RAPGEF4: variants seen among roughly 807,000 people sequenced by gnomAD.
The protein encoded by RAPGEF4 is Rap guanine nucleotide exchange factor 4.
RAPGEF4 carries 66 observed loss-of-function variants against 147.9 expected under a neutral mutation model. The observed-to-expected ratio is 0.45, with a 90% CI of 0.37 to 0.55. The LOEUF is 0.55. RAPGEF4 is among the 20% of genes least tolerant of loss of function. RAPGEF4 has a pLI of 0.00. For synonymous variants in RAPGEF4, 419 were observed against 442.7 expected, an observed-to-expected ratio of 0.95 and a Z score of 0.67; for missense variants, 1,071 against 1,257.3, an observed-to-expected ratio of 0.85 and a Z score of 2.24.
intron 4 of RAPGEF4, among the ~76,000 whole-genome samples, chr2:172,864,865 A>G (rs1368476731): frequency 6.6e-6 from 1 of 152,248 alleles, no homozygotes; most frequent in African/African-American, 2.4e-5. Flanking sequence ...AGATCATGCC[A>G]CTGTACTCTA....
In RAPGEF4 at chr2:173,023,070, G is replaced by T. The variant is rs183754958; in HGVS notation, c.2253+2355G>T. ...GCAAACAGTGTAGTGAGGCACCCCC[G>T]CATGTGACCAGTGAGAATGCAGTGC... is the stretch of plus-strand genomic sequence containing the variant. On this transcript the variant is annotated intron_variant, in intron 23 of 30. Coordinates refer to ENST00000397081, the MANE Select transcript of RAPGEF4 (RefSeq NM_007023.4). Among the ~76,000 whole-genome samples, 32 of 152,266 alleles carry T rather than the reference G, an allele frequency of 2.1e-4. No homozygotes were observed. The East Asian group carries it at 6.0e-3, about 29-fold the overall frequency.
rs750741015 is a variant in RAPGEF4, at chr2:173,017,489, C to T, written c.1993C>T (p.Arg665Cys). ...DERAQKRQPI[R>C]GSDEVLFKVY... Reference sequence around the variant, plus strand: ...GAGAGCCCAGAAGCGCCAGCCTATCCGCGGCTCTGATGAAGGTGAGAACCC... The same window carrying T: ...GAGAGCCCAGAAGCGCCAGCCTATCTGCGGCTCTGATGAAGGTGAGAACCC... The change falls in exon 21 of 31, where the codon CGC becomes TGC. Residue 665 changes from arginine (R) to cysteine (C), a missense_variant. By Grantham distance (180) the Arg-to-Cys change is radical. Coordinates refer to ENST00000397081, the MANE Select transcript of RAPGEF4 (RefSeq NM_007023.4). The T allele has an allele frequency of 3.0e-5, 49 of 1,613,732 alleles. 1 individual carries two copies. Among genetic ancestry groups the T allele is most frequent in the Middle Eastern group, 3.3e-4 (2 of 6,070 alleles).
At chr2:172,861,116 G>A (rs551748019) in intron 4 of RAPGEF4, among the ~76,000 whole-genome samples, 26 of 152,208 alleles carry the variant, frequency 1.7e-4, no homozygotes, top group Admixed American at 6.5e-4. Flanking sequence ...TACATTTCCC[G>A]TTAGAACAGG....
At position 173,043,780 on chromosome 2, in the gene RAPGEF4, G is replaced by GAA. The variant is rs112444811; in HGVS notation, c.2854-4819_2854-4818insAA. Among the ~76,000 whole-genome samples, 497 of 152,328 alleles carry GAA rather than the reference G, an allele frequency of 3.3e-3. 3 individuals are homozygous for GAA. Among genetic ancestry groups the GAA allele is most frequent in the Middle Eastern group, 0.02 (6 of 294 alleles). Reference sequence around the variant, plus strand: ...ACAAGGTACCTCTGACACCTCAGCGGACTCAAGGGAAATTCCCTGCATCAG... The same window carrying GAA: ...ACAAGGTACCTCTGACACCTCAGCGGAAACTCAAGGGAAATTCCCTGCATCAG... On this transcript the variant is annotated intron_variant, in intron 29 of 30. Coordinates refer to ENST00000397081, the MANE Select transcript of RAPGEF4 (RefSeq NM_007023.4).
At chr2:172,760,584 G>A (rs1465575559) in intron 1 of RAPGEF4, among the ~76,000 whole-genome samples, 1 of 152,136 alleles carries the variant, frequency 6.6e-6, no homozygotes, top group Admixed American at 6.5e-5. Context: ...CAGGCATGGT[G>A]GCGGGTGCCT....
intron 6 of RAPGEF4, among the ~76,000 whole-genome samples, chr2:172,926,485 A>C (rs1275738224): frequency 6.6e-6 from 1 of 152,174 alleles, no homozygotes; most frequent in East Asian, 1.9e-4. Flanking sequence ...ATTACAACAT[A>C]ATCTCATTTC....
chr2:173,017,122 A>G, intron 19 of RAPGEF4, 52 bp from the exon 20 acceptor site: 1 of 1,537,956 alleles, frequency 6.5e-7, no homozygotes, highest in East Asian at 2.3e-5. Context: ...CAAATAAGGC[A>G]ATTTAATAGT....
At chr2:172,946,628 C>G (rs960200952) in intron 6 of RAPGEF4, among the ~76,000 whole-genome samples, 10 of 152,212 alleles carry the variant, frequency 6.6e-5, no homozygotes, top group African/African-American at 2.4e-4. Flanking sequence ...CTATCAAGCC[C>G]TGTTCATCCT....
chr2:172,971,441 G>A (rs1188576430), intron 10 of RAPGEF4, among the ~76,000 whole-genome samples: 1 of 152,138 alleles, frequency 6.6e-6, no homozygotes, highest in Admixed American at 6.5e-5. Flanking sequence ...AAGTCATTTG[G>A]GCCCGAGCAG....
chr2:173,052,024 A>G lies in RAPGEF4; in HGVS notation c.*257A>G, dbSNP rs1686297851. ...ACCCTGTTTCATTTCCACTTGTGCCATCTTCTTTGCTGAAGTGTTGAATAA... is the reference window on the plus strand; with the variant it reads ...ACCCTGTTTCATTTCCACTTGTGCCGTCTTCTTTGCTGAAGTGTTGAATAA... On this transcript the variant is annotated 3_prime_UTR_variant, in exon 31 of 31. Coordinates refer to ENST00000397081, the MANE Select transcript of RAPGEF4 (RefSeq NM_007023.4). The G allele has an allele frequency of 1.3e-5, 4 of 299,510 alleles. No homozygotes were observed. In the South Asian group the frequency reaches 2.8e-4, roughly 21 times the overall value. The allele number at this position is 299,510 out of a possible 1,614,324, so 18.6% of individuals were successfully genotyped here.
At chr2:172,825,218 T>G (rs965660647) in intron 4 of RAPGEF4, among the ~76,000 whole-genome samples, 1 of 152,242 alleles carries the variant, frequency 6.6e-6, no homozygotes, top group African/African-American at 2.4e-5. Flanking sequence ...TCAGAACACT[T>G]ACATTAGCCT....
At chr2:172,979,063 A>G (rs1691399483) in intron 10 of RAPGEF4, among the ~76,000 whole-genome samples, 1 of 152,240 alleles carries the variant, frequency 6.6e-6, no homozygotes, top group Non-Finnish European at 1.5e-5. Flanking sequence ...TAAATCTGTA[A>G]TCCTAAGAAA....
At chr2:172,874,410 C>G (rs2149822665) in intron 4 of RAPGEF4, among the ~76,000 whole-genome samples, 1 of 152,206 alleles carries the variant, frequency 6.6e-6, no homozygotes, top group East Asian at 1.9e-4. Flanking sequence ...CCCCTCACCC[C>G]ACAACAGGCC....
At chr2:172,756,481 C>T (rs1204422359) in intron 1 of RAPGEF4, among the ~76,000 whole-genome samples, 1 of 152,198 alleles carries the variant, frequency 6.6e-6, no homozygotes, top group Non-Finnish European at 1.5e-5. Flanking sequence ...CATAATCTGC[C>T]ATACCTATTC....
chr2:172,859,815 C>A (rs972916894), intron 4 of RAPGEF4, among the ~76,000 whole-genome samples: 1 of 152,162 alleles, frequency 6.6e-6, no homozygotes, highest in African/African-American at 2.4e-5. Flanking sequence ...CTGAGGCCAT[C>A]TACTGTTTTC....
intron 4 of RAPGEF4, among the ~76,000 whole-genome samples, chr2:172,832,472 C>T (rs1208986617): frequency 1.3e-5 from 2 of 152,178 alleles, no homozygotes; most frequent in South Asian, 2.1e-4. Context: ...CTCAACTCCT[C>T]ATTTTGTTCT....
Position 173,017,520 on chromosome 2 carries a change from CA to C in RAPGEF4, c.2008+18del, listed in dbSNP as rs1232010833. The C allele has an allele frequency of 9.4e-6, 15 of 1,600,068 alleles. No individual in the cohort carries two copies. Among genetic ancestry groups the C allele is most frequent in the Middle Eastern group, 1.7e-4 (1 of 5,980 alleles). On this transcript the variant is annotated intron_variant, in intron 21 of 30. Transcript: ENST00000397081. Reference sequence around the variant, plus strand: ...TCTGATGAAGGTGAGAACCCTCTTCCAACTAACTCGTAGTTGTATAGATTAT... The same window carrying C: ...TCTGATGAAGGTGAGAACCCTCTTCCACTAACTCGTAGTTGTATAGATTAT...
At chr2:172,824,609 G>A (rs1314144084) in intron 4 of RAPGEF4, among the ~76,000 whole-genome samples, 3 of 152,172 alleles carry the variant, frequency 2.0e-5, no homozygotes, top group African/African-American at 7.2e-5. Flanking sequence ...TTTGTTCAAG[G>A]CTGTATGATT....
intron 1 of RAPGEF4, among the ~76,000 whole-genome samples, chr2:172,783,244 G>T (rs574458927): frequency 6.6e-6 from 1 of 152,252 alleles, no homozygotes; most frequent in African/African-American, 2.4e-5. Context: ...CAGAGTGGTC[G>T]GGGAGGTGGA....
Sources: gnomAD v4.1 joint callset for allele counts (sites outside exome capture counted in the v4.1 genomes callset) on GRCh38, gnomAD v4.1.1 for gene constraint, MANE v1.5 for transcripts, NCBI Gene and HGNC (gene_info 2026-07-23, HGNC 2026-07-21) for gene names.